DIAPH2: variants seen among roughly 807,000 people sequenced by gnomAD.
DIAPH2 encodes the protein diaphanous related formin 2, also known as protein diaphanous homolog 2.
A neutral mutation model predicts 92.7 loss-of-function variants in DIAPH2; 35 were observed. The ratio of observed to expected loss-of-function variants is 0.38; its 90% CI spans 0.29 to 0.50. DIAPH2 has a LOEUF of 0.50. Ranked by LOEUF, DIAPH2 falls within the 20% of genes least tolerant of loss-of-function variation. The pLI, the probability that DIAPH2 is intolerant of heterozygous loss-of-function variation, is 0.94. For missense variants in DIAPH2, 701 were observed against 819.5 expected, an observed-to-expected ratio of 0.86 and a Z score of 1.77; for synonymous variants, 301 against 280.4, an observed-to-expected ratio of 1.07 and a Z score of -0.73.
At chrX:96,937,113 C>G (rs922889332) in intron 10 of DIAPH2, 120 bp from the exon 11 acceptor site, 4 of 359,577 alleles carry the variant, frequency 1.1e-5, no homozygotes, top group African/African-American at 1.1e-4. Context: ...CAAGTGCCCG[C>G]ATAAATATTT....
chrX:97,494,760 A>G (rs2070747210), intron 26 of DIAPH2, among the ~76,000 whole-genome samples: 1 of 112,275 alleles, frequency 8.9e-6, no homozygotes, highest in South Asian at 3.7e-4. Context: ...AGCACAATTC[A>G]TAGAGCCATG....
chrX:96,930,912 T>C lies in DIAPH2; in HGVS notation c.1089+69T>C, dbSNP rs961373762. 3.1e-5 allele frequency: 33 copies of C among 1,059,664 alleles called. No homozygotes were observed. The African/African-American group carries it at 6.0e-4, about 19-fold the overall frequency. 87.3% of individuals were successfully genotyped at this position (1,059,664 alleles called of 1,213,427 possible). The stretch of plus-strand genomic sequence containing the variant: ...TTTTTTTCACTTCCACAAAAGTACT[T>C]GAAGCAGAGTAAATAAATGTGCTTT... On this transcript the variant is annotated intron_variant, in intron 10 of 26. Transcript: ENST00000324765.
intron 23 of DIAPH2, among the ~76,000 whole-genome samples, chrX:97,271,550 T>G (rs1053666789): frequency 9.0e-6 from 1 of 111,348 alleles, no homozygotes; most frequent in Admixed American, 9.7e-5. Context: ...TGTTATCAAC[T>G]GAGAACCTCT....
At chrX:97,501,664 G>A (rs1302759489) in intron 26 of DIAPH2, among the ~76,000 whole-genome samples, 1 of 111,179 alleles carries the variant, frequency 9.0e-6, no homozygotes, top group African/African-American at 3.3e-5. Context: ...TTTATATACT[G>A]TTGTGTGATA....
chrX:97,229,829 A>AAT (rs10627107), intron 22 of DIAPH2, among the ~76,000 whole-genome samples: 44,509 of 102,290 alleles, frequency 0.44, 8,881 homozygotes, highest in Non-Finnish European at 0.6. Flanking sequence ...ATATAATAAC[A>AAT]ATATTACATC....
chrX:97,118,539 A>G (rs2067031873), intron 21 of DIAPH2, among the ~76,000 whole-genome samples: 1 of 111,792 alleles, frequency 8.9e-6, no homozygotes, highest in Admixed American at 9.5e-5. Flanking sequence ...ACAAAATAAA[A>G]CAGATGATCT....
rs948725248 is a variant in DIAPH2 at position 96,715,766 on chromosome X, G to T, written c.133-19992G>T. 9.8e-5 allele frequency among the ~76,000 whole-genome samples: 11 copies of T among 111,684 alleles called. No homozygotes were observed. The East Asian group carries it at 1.1e-3, about 11-fold the overall frequency. On this transcript the variant is annotated intron_variant, in intron 1 of 26. Transcript: ENST00000324765. ...TGTTTAATGATGAGAAACGATTAGGGTTTGAGGGAGTGACTGCTACCCAGT... is the reference window on the plus strand; with the variant it reads ...TGTTTAATGATGAGAAACGATTAGGTTTTGAGGGAGTGACTGCTACCCAGT...
chrX:97,328,184 C>T (rs1046847038), intron 23 of DIAPH2, among the ~76,000 whole-genome samples: 2 of 111,471 alleles, frequency 1.8e-5, no homozygotes, highest in African/African-American at 6.5e-5. Flanking sequence ...CCTGTAATCC[C>T]AGCACTTTGG....
At chrX:96,813,624 G>A (rs763430754) in intron 4 of DIAPH2, among the ~76,000 whole-genome samples, 16 of 111,551 alleles carry the variant, frequency 1.4e-4, no homozygotes, top group African/African-American at 4.6e-4. Flanking sequence ...ACCATCGATG[G>A]TCTTTACAAT....
intron 17 of DIAPH2, among the ~76,000 whole-genome samples, chrX:97,017,896 T>G (rs1302518882): frequency 8.9e-6 from 1 of 112,112 alleles, no homozygotes; most frequent in Non-Finnish European, 1.9e-5. Context: ...TTAATTATAC[T>G]TAGTACTTTG....
At chrX:97,312,715 A>G (rs2068807294) in intron 23 of DIAPH2, among the ~76,000 whole-genome samples, 1 of 111,380 alleles carries the variant, frequency 9.0e-6, no homozygotes, top group Non-Finnish European at 1.9e-5. Flanking sequence ...GTTTACTAAA[A>G]TTATACACTA....
At chrX:97,041,970 A>G (rs1473969634) in intron 17 of DIAPH2, among the ~76,000 whole-genome samples, 2 of 111,368 alleles carry the variant, frequency 1.8e-5, no homozygotes, top group Non-Finnish European at 3.8e-5. Flanking sequence ...TTTTTGTAAC[A>G]GTTTAATTGA....
rs769059340 is a variant in DIAPH2, at chrX:96,930,882, T to A, written c.1089+39T>A. 6 of 1,130,771 alleles carry A rather than the reference T, an allele frequency of 5.3e-6. No homozygotes were observed. In the South Asian group the frequency reaches 6.7e-5, roughly 13 times the overall value. 93.2% of individuals were successfully genotyped at this position (1,130,771 alleles called of 1,213,427 possible). A position where few individuals can be genotyped will look rare whatever the true frequency, so the allele number is the denominator to read the frequency against. ...ATACATTTATTATGCTGATGAATTTTAAAATTTTTTTCACTTCCACAAAAG... is the reference window on the plus strand; with the variant it reads ...ATACATTTATTATGCTGATGAATTTAAAAATTTTTTTCACTTCCACAAAAG... On this transcript the variant is annotated intron_variant, in intron 10 of 26. Transcript: ENST00000324765.
chrX:97,454,420 T>G (rs2070385027), intron 26 of DIAPH2, among the ~76,000 whole-genome samples: 1 of 112,082 alleles, frequency 8.9e-6, no homozygotes, highest in Non-Finnish European at 1.9e-5. Flanking sequence ...ACGCAGCTGC[T>G]AATTAAAAAA....
At chrX:97,470,579 A>G (rs1184102410) in intron 26 of DIAPH2, among the ~76,000 whole-genome samples, 3 of 110,286 alleles carry the variant, frequency 2.7e-5, no homozygotes, top group Non-Finnish European at 5.7e-5. Context: ...TAAAATTGAT[A>G]TTATTATTAA....
intron 10 of DIAPH2, 46 bp downstream of exon 10, chrX:96,930,889 T>A: frequency 1.8e-6 from 2 of 1,122,254 alleles, no homozygotes; most frequent in South Asian, 4.6e-5. Context: ...TTTTAAAATT[T>A]TTTTCACTTC....
intron 4 of DIAPH2, among the ~76,000 whole-genome samples, chrX:96,782,546 G>A (rs1361309937): frequency 2.7e-5 from 3 of 111,200 alleles, no homozygotes; most frequent in South Asian, 7.5e-4. Flanking sequence ...TGATCCGCCC[G>A]CCTCGGCCTC....
At chrX:97,515,164 T>G (rs2070933784) in intron 26 of DIAPH2, among the ~76,000 whole-genome samples, 1 of 112,444 alleles carries the variant, frequency 8.9e-6, no homozygotes, top group Non-Finnish European at 1.9e-5. Context: ...TCAGCGAGAT[T>G]CCGTGGGCGT....
intron 22 of DIAPH2, among the ~76,000 whole-genome samples, chrX:97,202,060 C>T (rs1452380914): frequency 9.0e-6 from 1 of 111,676 alleles, no homozygotes; most frequent in Non-Finnish European, 1.9e-5. Context: ...TCCAGCCAAA[C>T]TAAGCTTCAT....
Sources: allele counts gnomAD v4.1 joint callset (sites outside exome capture counted in the v4.1 genomes callset), GRCh38; gene constraint gnomAD v4.1.1; transcripts MANE v1.5; gene names NCBI Gene and HGNC (gene_info 2026-07-23, HGNC 2026-07-21).